The following MCPH1 variants were observed in gnomAD, a reference collection of about 807,000 sequenced individuals.
MCPH1 encodes the protein microcephalin.
A neutral mutation model predicts 84.5 loss-of-function variants in MCPH1; 104 were observed. The observed-to-expected ratio is 1.23, with a 90% confidence interval of 1.05 to 1.45. MCPH1 has a LOEUF of 1.45. Ranked by LOEUF, MCPH1 falls within the 40% of genes most tolerant of loss-of-function variation. The pLI is 0.00. For missense variants in MCPH1, 1,498 were observed against 1,005.7 expected (o/e 1.49, Z -6.62); for synonymous variants, 514 against 366.8 (o/e 1.40, Z -4.58).
intron 9 of MCPH1, among the ~76,000 whole-genome samples, chr8:6,466,868 G>T (rs1378024397): frequency 6.6e-6 from 1 of 152,176 alleles, no homozygotes; most frequent in Admixed American, 6.5e-5. Context: ...GAGCCAACGC[G>T]CCCTGCCCTC....
chr8:6,636,731 G>A (rs979793435), intron 13 of MCPH1, among the ~76,000 whole-genome samples: 1 of 152,156 alleles, frequency 6.6e-6, no homozygotes, highest in Non-Finnish European at 1.5e-5. Context: ...AAACATAAAT[G>A]AATTTTGGTT....
At chr8:6,518,625 T>C (rs1436105565) in intron 12 of MCPH1, among the ~76,000 whole-genome samples, 2 of 152,218 alleles carry the variant, frequency 1.3e-5, no homozygotes, top group African/African-American at 2.4e-5. Context: ...TGTTTTTCTT[T>C]GATACTGTTT....
At chr8:6,526,831 T>C (rs1207977243) in intron 12 of MCPH1, among the ~76,000 whole-genome samples, 1 of 152,238 alleles carries the variant, frequency 6.6e-6, no homozygotes, top group Non-Finnish European at 1.5e-5. Flanking sequence ...TATCCTCTTT[T>C]GTCCCAAGTG....
At chr8:6,570,665 C>T (rs911000042) in intron 12 of MCPH1, among the ~76,000 whole-genome samples, 1 of 152,178 alleles carries the variant, frequency 6.6e-6, no homozygotes, top group Admixed American at 6.5e-5. Context: ...GAAAAATCTT[C>T]ATTGTTCATG....
At chr8:6,593,355 A>T (rs115777967) in intron 12 of MCPH1, among the ~76,000 whole-genome samples, 1,550 of 138,356 alleles carry the variant, frequency 0.011, 20 homozygotes, top group African/African-American at 0.04. Flanking sequence ...CCTGCTGGGA[A>T]TATAGGCATA....
intron 6 of MCPH1, among the ~76,000 whole-genome samples, chr8:6,439,927 C>A (rs1416982409): frequency 6.6e-6 from 1 of 152,070 alleles, no homozygotes; most frequent in Non-Finnish European, 1.5e-5. Flanking sequence ...AGTGTTTTTC[C>A]AGATCTGTTT....
At chr8:6,416,426 G>A (rs115238970) in intron 3 of MCPH1, among the ~76,000 whole-genome samples, 23 of 152,116 alleles carry the variant, frequency 1.5e-4, no homozygotes, top group East Asian at 9.6e-4. Context: ...TCATTATTTC[G>A]TATGATGGTA....
At chr8:6,544,992 C>G (rs1479187010) in intron 12 of MCPH1, among the ~76,000 whole-genome samples, 1 of 152,182 alleles carries the variant, frequency 6.6e-6, no homozygotes, top group Non-Finnish European at 1.5e-5. Context: ...TGAGCTCATG[C>G]TCTGCAGTTC....
intron 12 of MCPH1, chr8:6,519,791 C>T (rs962302409): frequency 2.6e-6 from 4 of 1,546,166 alleles, no homozygotes; most frequent in Non-Finnish European, 3.5e-6. Context: ...GAGACTTCTG[C>T]TCTCTGGTTC....
chr8:6,639,404 A>ATAATC (rs1312066055), intron 13 of MCPH1, among the ~76,000 whole-genome samples: 1 of 152,226 alleles, frequency 6.6e-6, no homozygotes, highest in South Asian at 2.1e-4. Flanking sequence ...ACTCACATGT[A>ATAATC]TAATCTAACA....
Position 6,445,378 on chromosome 8 carries a change from G to A in MCPH1, c.1656G>A (p.Met552Ile), listed in dbSNP as rs1305862252. ...CTTTGGAAGGAAGCCTTGAAGAAATGAAAGAAGCGGTTGGTCTGAAAAGCA... is the reference window on the plus strand; with the variant it reads ...CTTTGGAAGGAAGCCTTGAAGAAATAAAAGAAGCGGTTGGTCTGAAAAGCA... ...LTPLEGSLEEMKEAVGLKSTQ... is the reference protein window; with the variant it reads ...LTPLEGSLEEIKEAVGLKSTQ... Residue 552 changes from methionine to isoleucine, a missense_variant, in exon 8 of 14, where the codon ATG (methionine) becomes ATA (isoleucine). Transcript: ENST00000344683. 1 of 1,614,222 alleles carries A rather than the reference G, an allele frequency of 6.2e-7. No individual in the cohort carries two copies. The highest frequency in any genetic ancestry group is 2.2e-5 in the East Asian group (1 of 44,878).
intron 2 of MCPH1, among the ~76,000 whole-genome samples, chr8:6,411,784 C>G (rs1256494327): frequency 6.6e-6 from 1 of 152,092 alleles, no homozygotes; most frequent in East Asian, 1.9e-4. Flanking sequence ...ATAACCTGTT[C>G]AGTACTAGCT....
intron 12 of MCPH1, among the ~76,000 whole-genome samples, chr8:6,534,132 G>T (rs1220965968): frequency 6.6e-6 from 1 of 152,112 alleles, no homozygotes; most frequent in African/African-American, 2.4e-5. Flanking sequence ...TGAGCAGGAT[G>T]CATGAGAGGC....
intron 12 of MCPH1, among the ~76,000 whole-genome samples, chr8:6,509,269 A>G (rs1814445254): frequency 6.6e-6 from 1 of 152,216 alleles, no homozygotes; most frequent in South Asian, 2.1e-4. Flanking sequence ...GGATGTTTTC[A>G]TGAAACCTTC....
intron 11 of MCPH1, among the ~76,000 whole-genome samples, chr8:6,493,751 G>A (rs1048240916): frequency 3.3e-5 from 5 of 152,150 alleles, no homozygotes; most frequent in Non-Finnish European, 4.4e-5. Context: ...GATCTCTGTC[G>A]TATTCGGGGG....
chr8:6,527,812 G>C, intron 12 of MCPH1: 1 of 859,828 alleles, frequency 1.2e-6, no homozygotes, highest in Non-Finnish European at 1.7e-6. Flanking sequence ...ATCTTATTTT[G>C]GCATATTTTT....
At chr8:6,492,954 T>G (rs1197206410) in intron 11 of MCPH1, among the ~76,000 whole-genome samples, 1 of 152,136 alleles carries the variant, frequency 6.6e-6, no homozygotes, top group Non-Finnish European at 1.5e-5. Context: ...CAAGTGCTTT[T>G]GCCCTTAATG....
intron 12 of MCPH1, among the ~76,000 whole-genome samples, chr8:6,512,592 C>T (rs3020215): frequency 0.24 from 36,534 of 152,118 alleles, 5,698 homozygotes; most frequent in Middle Eastern, 0.41. Context: ...TCTCACTTCT[C>T]TGCCCCTCCC....
chr8:6,483,630 T>C (rs1338013368), intron 11 of MCPH1, among the ~76,000 whole-genome samples: 1 of 152,184 alleles, frequency 6.6e-6, no homozygotes, highest in Non-Finnish European at 1.5e-5. Flanking sequence ...CCCAACACTT[T>C]GGGTGGATCA....
Sources: allele counts gnomAD v4.1 joint callset (sites outside exome capture counted in the v4.1 genomes callset), GRCh38; gene constraint gnomAD v4.1.1; transcripts MANE v1.5; gene names NCBI Gene and HGNC (gene_info 2026-07-23, HGNC 2026-07-21).